The following TBXAS1 variants were observed in gnomAD, a reference collection of about 807,000 sequenced individuals.
TBXAS1 encodes the protein thromboxane A synthase 1, also known as thromboxane-A synthase.
Under a neutral mutation model 60.7 loss-of-function variants are expected in TBXAS1, and 48 were observed. That is an observed-to-expected ratio of 0.79 (90% CI 0.63 to 1.01). TBXAS1 has a LOEUF of 1.01. Among genes scored for constraint, TBXAS1 ranks in the 50% least tolerant of loss-of-function variants. The pLI, the probability that TBXAS1 is intolerant of heterozygous loss-of-function variation, is 0.00. For synonymous variants in TBXAS1, 287 were observed against 269.7 expected, an observed-to-expected ratio of 1.06 and a Z score of -0.63; for missense variants, 685 against 686.3, an observed-to-expected ratio of 1.00 and a Z score of 0.02.
intron 5 of TBXAS1, among the ~76,000 whole-genome samples, chr7:139,944,264 G>A (rs1260016109): frequency 2.0e-5 from 3 of 152,202 alleles, no homozygotes. Context: ...CAGGTGGAAT[G>A]AGCTGCAGGA....
chr7:139,786,822 G>T (rs1044988379), intron 3 of TBXAS1, among the ~76,000 whole-genome samples: 1 of 152,192 alleles, frequency 6.6e-6, no homozygotes, highest in Non-Finnish European at 1.5e-5. Flanking sequence ...TTCTCATAAA[G>T]GTGTGTTCCA....
At position 139,947,573 on chromosome 7, in the gene TBXAS1, A is replaced by T. The variant is rs184343992; in HGVS notation, c.451-5795A>T. ...AAAACTTAAAATAAAATAAAATTTTAAAAAACTGGGTACTTTAATTACATA... is the reference window on the plus strand; with the variant it reads ...AAAACTTAAAATAAAATAAAATTTTTAAAAACTGGGTACTTTAATTACATA... On this transcript the variant is annotated intron_variant, in intron 5 of 12. Transcript: ENST00000448866. Among the ~76,000 whole-genome samples, 544 of 152,354 alleles carry T rather than the reference A, an allele frequency of 3.6e-3. 4 individuals carry two copies. Among genetic ancestry groups the T allele is most frequent in the African/African-American group, 0.013 (521 of 41,572 alleles).
chr7:140,017,592 G>A, intron 11 of TBXAS1, 79 bp from the exon 12 acceptor site: 1 of 1,576,538 alleles, frequency 6.3e-7, no homozygotes, highest in Non-Finnish European at 8.7e-7. Flanking sequence ...CAGATGCAGG[G>A]GTGGCTCAGC....
chr7:140,011,946 C>CATGG (rs1814650454), intron 10 of TBXAS1, among the ~76,000 whole-genome samples: 9 of 152,182 alleles, frequency 5.9e-5, no homozygotes. Context: ...CCAGAATTAT[C>CATGG]ATGGCATTTG....
At chr7:139,981,823 A>C (rs1018119238) in intron 9 of TBXAS1, among the ~76,000 whole-genome samples, 2 of 152,226 alleles carry the variant, frequency 1.3e-5, no homozygotes, top group African/African-American at 4.8e-5. Context: ...GGCGAGCCAA[A>C]GGTGTCAGTG....
Position 139,975,615 on chromosome 7 carries a change from C to G in TBXAS1, c.1134+13382C>G, listed in dbSNP as rs1490207257. ...AGTCATTCAGGAGGACAGGGCAGCC[C>G]TGTCCTCGCCACAGTGCCCGCATCT... On this transcript the variant is annotated intron_variant, in intron 9 of 12. Transcript: ENST00000448866. This position sits in a 1 kb window ranked among gnomAD's most constrained non-coding sequence, Gnocchi z 4.4. Among the ~76,000 whole-genome samples the G allele has an allele frequency of 1.3e-5, 2 of 152,102 alleles. No individual in the cohort carries two copies. The highest frequency in any genetic ancestry group is 2.9e-5 in the Non-Finnish European group (2 of 68,008).
At chr7:139,927,881 A>T (rs1309475763) in intron 4 of TBXAS1, among the ~76,000 whole-genome samples, 1 of 152,200 alleles carries the variant, frequency 6.6e-6, no homozygotes, top group Non-Finnish European at 1.5e-5. Flanking sequence ...TAAGCTCAAT[A>T]TTGAATCTAG....
intron 5 of TBXAS1, among the ~76,000 whole-genome samples, chr7:139,943,446 AAC>A (rs1258311923): frequency 4.6e-5 from 7 of 152,204 alleles, no homozygotes; most frequent in Non-Finnish European, 8.8e-5. Flanking sequence ...TTTAAAAGAA[AAC>A]ACACTCCTCA....
intron 3 of TBXAS1, among the ~76,000 whole-genome samples, chr7:139,879,986 A>T (rs1227978893): frequency 6.6e-6 from 1 of 152,046 alleles, no homozygotes; most frequent in African/African-American, 2.4e-5. Context: ...GGTTCAAGTG[A>T]TTCTCTGGTG....
chr7:139,945,886 C>G (rs948395601), intron 5 of TBXAS1, among the ~76,000 whole-genome samples: 2 of 152,174 alleles, frequency 1.3e-5, no homozygotes. Flanking sequence ...GAAGGCTTGA[C>G]TGGGGGAAGA....
At chr7:139,921,281 A>G (rs75723412) in intron 4 of TBXAS1, among the ~76,000 whole-genome samples, 2 of 152,102 alleles carry the variant, frequency 1.3e-5, no homozygotes, top group Admixed American at 6.5e-5. Flanking sequence ...TCTGACATCA[A>G]TTTGTATAGA....
intron 3 of TBXAS1, among the ~76,000 whole-genome samples, chr7:139,883,376 T>A (rs1398265670): frequency 6.6e-6 from 1 of 152,250 alleles, no homozygotes; most frequent in Non-Finnish European, 1.5e-5. Context: ...CCTAATTTTC[T>A]GGACTTCTAA....
At position 139,975,403 on chromosome 7, in the gene TBXAS1, C is replaced by A. The variant is rs1359530380; in HGVS notation, c.1134+13170C>A. The stretch of plus-strand genomic sequence containing the variant: ...ACTCCTTAGTCTGTATTCTTTTCAA[C>A]CTTGTCTCTAATATTCCATGATTCC... On this transcript the variant is annotated intron_variant, in intron 9 of 12. Transcript: ENST00000448866. This position sits in a 1 kb window ranked among gnomAD's most constrained non-coding sequence, Gnocchi z 4.4. 1.3e-5 allele frequency among the ~76,000 whole-genome samples: 2 copies of A among 152,142 alleles called. No homozygotes were observed. Among genetic ancestry groups the A allele is most frequent in the Non-Finnish European group, 1.5e-5 (1 of 68,012 alleles).
intron 9 of TBXAS1, among the ~76,000 whole-genome samples, chr7:139,985,164 AT>A (rs1271629881): frequency 6.6e-6 from 1 of 152,132 alleles, no homozygotes; most frequent in Non-Finnish European, 1.5e-5. Context: ...CAATTAATTC[AT>A]TTCCCTGTGT....
At chr7:139,923,143 C>T (rs1252216617) in intron 4 of TBXAS1, among the ~76,000 whole-genome samples, 1 of 150,462 alleles carries the variant, frequency 6.6e-6, no homozygotes, top group Non-Finnish European at 1.5e-5. Flanking sequence ...CAAACCAAGA[C>T]CCAGTCTCTA....
At chr7:139,825,300 G>C (rs1325287326), upstream of TBXAS1, among the ~76,000 whole-genome samples, 1 of 152,014 alleles carries the variant, frequency 6.6e-6, no homozygotes, top group South Asian at 2.1e-4. Flanking sequence ...TCATGCTACT[G>C]TCCCAGTAAA....
At chr7:139,801,158 A>G (rs1245010536) in intron 4 of TBXAS1, among the ~76,000 whole-genome samples, 1 of 152,160 alleles carries the variant, frequency 6.6e-6, no homozygotes, top group Non-Finnish European at 1.5e-5. Context: ...ACATTTTTCC[A>G]TTTATGTGTT....
At chr7:139,790,843 C>T (rs578257137) in intron 4 of TBXAS1, among the ~76,000 whole-genome samples, 19 of 152,306 alleles carry the variant, frequency 1.2e-4, no homozygotes, top group African/African-American at 4.6e-4. Flanking sequence ...CACTGTGTCA[C>T]CCAGGCTGGA....
intron 1 of TBXAS1, among the ~76,000 whole-genome samples, chr7:139,832,363 A>G (rs960820913): frequency 1.9e-4 from 29 of 152,186 alleles, no homozygotes; most frequent in Admixed American, 1.9e-3. Flanking sequence ...AAGGAAATTC[A>G]GAGCTCAAAG....
Sources: gnomAD v4.1 joint callset for allele counts (sites outside exome capture counted in the v4.1 genomes callset) on GRCh38, gnomAD v4.1.1 for gene constraint, Gnocchi (gnomAD v3.1) non-coding constraint, MANE v1.5 for transcripts, NCBI Gene and HGNC (gene_info 2026-07-23, HGNC 2026-07-21) for gene names.